Variants in OTOF observed in about 807,000 individuals in gnomAD.
OTOF encodes otoferlin, also known as fer-1-like family member 2.
Under a neutral mutation model 236.8 loss-of-function variants are expected in OTOF, and 218 were observed. The observed-to-expected ratio is 0.92, with a 90% CI of 0.82 to 1.03. OTOF has a LOEUF of 1.03. Ranked by LOEUF, OTOF falls within the 50% of genes least tolerant of loss-of-function variation. OTOF has a pLI of 0.00. For missense variants in OTOF, 2,590 were observed against 2,694.4 expected (o/e 0.96, Z 0.86); for synonymous variants, 1,041 against 1,072.5 (o/e 0.97, Z 0.57).
At chr2:26,523,827 G>A (rs1311319747) in intron 3 of OTOF, among the ~76,000 whole-genome samples, 1 of 152,350 alleles carries the variant, frequency 6.6e-6, no homozygotes, top group Non-Finnish European at 1.5e-5. Flanking sequence ...AGGAGCCTGG[G>A]GTCTGAACTG....
intron 46 of OTOF, among the ~76,000 whole-genome samples, chr2:26,459,171 G>A (rs954597575): frequency 6.6e-6 from 1 of 152,216 alleles, no homozygotes; most frequent in African/African-American, 2.4e-5. Context: ...ACACACGGGT[G>A]AGAGCCATTT....
intron 11 of OTOF, 61 bp downstream of exon 11, chr2:26,489,150 C>G (rs774127084): frequency 8.2e-6 from 10 of 1,212,964 alleles, no homozygotes; most frequent in Non-Finnish European, 1.2e-5. Context: ...GGAAGGGCCC[C>G]GTGCACCACG....
At chr2:26,534,607 T>A (rs1667024815) in intron 2 of OTOF, among the ~76,000 whole-genome samples, 2 of 152,208 alleles carry the variant, frequency 1.3e-5, no homozygotes, top group Admixed American at 6.5e-5. Flanking sequence ...TTGGAACCCC[T>A]TACCTAGTAG....
rs142933937 is a variant in OTOF, at chr2:26,477,446, C to G, written c.2376G>C (p.Arg792=). Residue 792 remains arginine, a synonymous_variant, in exon 20 of 47, where the codon CGG becomes CGC. Coordinates refer to ENST00000272371, the MANE Select transcript of OTOF (RefSeq NM_194248.3). The surrounding 1 kb of genome is among the most constrained non-coding windows in gnomAD (Gnocchi z 4.7). ...CCCTCATGCAGGACTTGAGGCGCTC[C>G]CGGTCAAGCCTGGTGCGGGATGAGT... ...QGHSSRTRLD[R]ERLKSCMREL... 6.3e-7 allele frequency: 1 copy of G among 1,599,702 alleles called. No individual in the cohort carries two copies.
intron 8 of OTOF, among the ~76,000 whole-genome samples, chr2:26,495,313 G>T (rs1317837559): frequency 1.3e-5 from 2 of 152,208 alleles, no homozygotes; most frequent in East Asian, 3.9e-4. Flanking sequence ...CTCTAAGTCA[G>T]TGTTCACTAG....
chr2:26,558,344 G>T, intron 1 of OTOF, 149 bp downstream of exon 1: 2 of 705,680 alleles, frequency 2.8e-6, no homozygotes, highest in Non-Finnish European at 5.2e-6. Flanking sequence ...CCAGGCAGAT[G>T]ACTACCTGTG....
intron 8 of OTOF, 75 bp from the exon 9 acceptor site, chr2:26,495,148 G>A: frequency 4.5e-6 from 7 of 1,555,208 alleles, no homozygotes; most frequent in Non-Finnish European, 5.3e-6. Flanking sequence ...GGGTCCAGGG[G>A]CTGGGGCAGC....
intron 1 of OTOF, among the ~76,000 whole-genome samples, chr2:26,544,098 AT>A (rs1034318310): frequency 1.3e-5 from 2 of 152,322 alleles, no homozygotes; most frequent in African/African-American, 2.4e-5. Context: ...TTTGTAGCTT[AT>A]TTTTAGTAGC....
chr2:26,515,672 G>T (rs990442262), intron 5 of OTOF, among the ~76,000 whole-genome samples: 4 of 152,118 alleles, frequency 2.6e-5, no homozygotes, highest in African/African-American at 4.8e-5. Context: ...ACACACCCTG[G>T]TCCTTCAGAT....
chr2:26,539,478 G>A (rs1447635530), intron 1 of OTOF, among the ~76,000 whole-genome samples: 1 of 152,246 alleles, frequency 6.6e-6, no homozygotes. Context: ...GCTCACGCCT[G>A]TAATCCCAGC....
Position 26,516,655 on chromosome 2 carries a change from C to A in OTOF, c.328-56G>T, listed in dbSNP as rs916310280. 4 of 1,567,316 alleles carry A rather than the reference C, an allele frequency of 2.6e-6. No homozygotes were observed. In the Admixed American group the frequency reaches 5.0e-5, roughly 20 times the overall value. Reference sequence around the variant, plus strand: ...GGGATGGTGACAGCAATCTCCACCCCGTATATGTGGCTGCTTGGTGGTGTT... The same window carrying A: ...GGGATGGTGACAGCAATCTCCACCCAGTATATGTGGCTGCTTGGTGGTGTT... On this transcript the variant is annotated intron_variant, in intron 4 of 46. Coordinates refer to ENST00000272371, the MANE Select transcript of OTOF (RefSeq NM_194248.3).
At chr2:26,524,201 T>C (rs997210354) in intron 3 of OTOF, among the ~76,000 whole-genome samples, 3 of 152,260 alleles carry the variant, frequency 2.0e-5, no homozygotes, top group East Asian at 1.9e-4. Flanking sequence ...TTCCTTCTTA[T>C]TGGCACTTAA....
rs766748630 is a variant in OTOF, at chr2:26,489,661, G to A, written c.960+17C>T. The A allele has an allele frequency of 9.9e-6, 16 of 1,608,474 alleles. No homozygotes were observed. The highest frequency in any genetic ancestry group is 3.3e-5 in the Admixed American group (2 of 60,000). ...TGAGGGAGTGGCCCTGCCGGCCAGGGGCTGCTCCCCACTCACCGAAATCTT... is the reference window on the plus strand; with the variant it reads ...TGAGGGAGTGGCCCTGCCGGCCAGGAGCTGCTCCCCACTCACCGAAATCTT... On this transcript the variant is annotated intron_variant, in intron 10 of 46. Coordinates refer to ENST00000272371, the MANE Select transcript of OTOF (RefSeq NM_194248.3).
intron 26 of OTOF, 96 bp downstream of exon 26, chr2:26,474,417 C>G: frequency 9.1e-7 from 1 of 1,104,496 alleles, no homozygotes; most frequent in Non-Finnish European, 1.3e-6. Flanking sequence ...GGCCCCAGAC[C>G]CCAGGCCCCA....
intron 8 of OTOF, among the ~76,000 whole-genome samples, chr2:26,496,626 T>C (rs1665993782): frequency 6.6e-6 from 1 of 152,010 alleles, no homozygotes; most frequent in Admixed American, 6.6e-5. Context: ...ATTTTTGACA[T>C]CACTACTACT....
At chr2:26,493,823 G>T (rs11126514) in intron 9 of OTOF, among the ~76,000 whole-genome samples, 6 of 151,936 alleles carry the variant, frequency 3.9e-5, no homozygotes, top group Admixed American at 1.3e-4. Flanking sequence ...ACCCCATAGT[G>T]CTCAACCAAT....
chr2:26,511,626 G>A (rs1666392695), intron 5 of OTOF, among the ~76,000 whole-genome samples: 2 of 152,224 alleles, frequency 1.3e-5, no homozygotes, highest in Non-Finnish European at 2.9e-5. Flanking sequence ...CTTTACGTTG[G>A]GCAAGCAGGT....
intron 3 of OTOF, among the ~76,000 whole-genome samples, chr2:26,525,052 T>C (rs1480471051): frequency 6.6e-6 from 1 of 152,184 alleles, no homozygotes; most frequent in Admixed American, 6.5e-5. Context: ...CACACCCTCA[T>C]GGTATCTCAC....
At position 26,458,205 on chromosome 2, in the gene OTOF, G is replaced by C; in HGVS notation, c.*33C>G. ...TGAGAGGGTTGAGGAACCAGACGAAGGCCGTGTCGGGCCGGCTGGGAAGTG... is the reference window on the plus strand; with the variant it reads ...TGAGAGGGTTGAGGAACCAGACGAACGCCGTGTCGGGCCGGCTGGGAAGTG... On this transcript the variant is annotated 3_prime_UTR_variant, in exon 47 of 47. Transcript: ENST00000272371. 6.3e-7 allele frequency: 1 copy of C among 1,587,938 alleles called. No homozygotes were observed. The highest frequency in any genetic ancestry group is 8.6e-7 in the Non-Finnish European group (1 of 1,167,078).
Sources: gnomAD v4.1 joint callset for allele counts (sites outside exome capture counted in the v4.1 genomes callset) on GRCh38, gnomAD v4.1.1 for gene constraint, Gnocchi (gnomAD v3.1) non-coding constraint, MANE v1.5 for transcripts, NCBI Gene and HGNC (gene_info 2026-07-23, HGNC 2026-07-21) for gene names.